VOPP1: variants seen among roughly 807,000 people sequenced by gnomAD.
VOPP1 encodes the protein WW domain binding protein VOPP1.
In VOPP1, 8 loss-of-function variants were observed where a neutral mutation model predicts 23.5. The ratio of observed to expected loss-of-function variants is 0.34; its 90% CI spans 0.20 to 0.61. The LOEUF (loss-of-function observed/expected upper bound fraction) is 0.61, where lower values mean the gene tolerates loss of function less well. Ranked by LOEUF, VOPP1 falls within the 20% of genes least tolerant of loss-of-function variation. The pLI, the probability that VOPP1 is intolerant of heterozygous loss-of-function variation, is 0.78. For missense variants in VOPP1, 174 were observed against 238.1 expected (o/e 0.73, Z 1.77); for synonymous variants, 83 against 97.3 (o/e 0.85, Z 0.86).
intron 4 of VOPP1, among the ~76,000 whole-genome samples, chr7:55,442,434 G>T (rs930139373): frequency 2.6e-5 from 4 of 152,156 alleles, no homozygotes; most frequent in Admixed American, 2.0e-4. Context: ...GCATTAAATT[G>T]TGTACACAAG....
At chr7:55,571,121 G>T (rs933299583) in intron 1 of VOPP1, among the ~76,000 whole-genome samples, 1 of 152,056 alleles carries the variant, frequency 6.6e-6, no homozygotes, top group African/African-American at 2.4e-5. Context: ...TGAATAAATG[G>T]AAAGAATGCA....
At position 55,501,462 on chromosome 7, in the gene VOPP1, G is replaced by A. The variant is rs80019698; in HGVS notation, c.114-3772C>T. 1.3e-3 allele frequency among the ~76,000 whole-genome samples: 198 copies of A among 152,310 alleles called. 4 individuals are homozygous for A. In the East Asian group the frequency reaches 0.032, roughly 25 times the overall value. ...TCCAGGACTGGCTCCATTCATCCTCGTGGAAGATTCTGGGTGGCCCTCAGG... is the reference window on the plus strand; with the variant it reads ...TCCAGGACTGGCTCCATTCATCCTCATGGAAGATTCTGGGTGGCCCTCAGG... On this transcript the variant is annotated intron_variant, in intron 2 of 4. Transcript: ENST00000285279.
intron 2 of VOPP1, among the ~76,000 whole-genome samples, chr7:55,507,824 G>A (rs1794830726): frequency 1.3e-5 from 2 of 152,094 alleles, no homozygotes; most frequent in African/African-American, 4.8e-5. Flanking sequence ...CTTTTATTTG[G>A]TCAACACATC....
rs575634550 is a variant in VOPP1, at chr7:55,515,746, C to T, written c.113+5326G>A. 5.9e-5 allele frequency among the ~76,000 whole-genome samples: 9 copies of T among 152,346 alleles called. No individual in the cohort carries two copies. In the South Asian group the frequency reaches 1.2e-3, roughly 21 times the overall value. ...TCTGTGACAGACAGGAGCTCCCTGT[C>T]ACCTGATGAGGAGGATTCAATGCTC... On this transcript the variant is annotated intron_variant, in intron 2 of 4. Coordinates refer to ENST00000285279, the MANE Select transcript of VOPP1 (RefSeq NM_030796.5).
At chr7:55,523,848 T>C (rs137963417) in intron 1 of VOPP1, among the ~76,000 whole-genome samples, 1,671 of 152,292 alleles carry the variant, frequency 0.011, 11 homozygotes, top group Middle Eastern at 0.02. Flanking sequence ...TGGGGTGAAG[T>C]GGAAAAGACA....
chr7:55,508,878 T>TA (rs1194792629), intron 2 of VOPP1, among the ~76,000 whole-genome samples: 2 of 152,044 alleles, frequency 1.3e-5, no homozygotes, highest in Non-Finnish European at 2.9e-5. Flanking sequence ...CCTGTCTCTA[T>TA]AAAAAAATCT....
intron 1 of VOPP1, chr7:55,538,777 G>T: frequency 1.4e-6 from 1 of 729,262 alleles, no homozygotes. Flanking sequence ...CTGTGGGTTT[G>T]AGCTGCTGAT....
intron 1 of VOPP1, among the ~76,000 whole-genome samples, chr7:55,551,351 C>G (rs1314299612): frequency 6.6e-6 from 1 of 152,198 alleles, no homozygotes; most frequent in African/African-American, 2.4e-5. Context: ...CAGAACCCCA[C>G]GTGCACACCG....
chr7:55,569,241 G>A (rs562369230), intron 1 of VOPP1, among the ~76,000 whole-genome samples: 2 of 152,338 alleles, frequency 1.3e-5, no homozygotes, highest in East Asian at 1.9e-4. Context: ...CTGGGCTTCA[G>A]GAGGGGAACA....
chr7:55,550,032 A>T (rs1247448981), intron 1 of VOPP1, among the ~76,000 whole-genome samples: 1 of 152,168 alleles, frequency 6.6e-6, no homozygotes, highest in Non-Finnish European at 1.5e-5. Context: ...CCTGAGTGCC[A>T]CCACAGGCCG....
At chr7:55,534,131 C>CTTTTTT (rs10669665) in intron 1 of VOPP1, among the ~76,000 whole-genome samples, 1 of 140,158 alleles carries the variant, frequency 7.1e-6, no homozygotes, top group Non-Finnish European at 1.5e-5. Context: ...TTTCATGTAG[C>CTTTTTT]TTTTTTTTTT....
At chr7:55,523,446 G>A (rs1319385824) in intron 1 of VOPP1, among the ~76,000 whole-genome samples, 1 of 151,972 alleles carries the variant, frequency 6.6e-6, no homozygotes, top group East Asian at 1.9e-4. Context: ...TAAGAACTGG[G>A]TCATTCTTGT....
chr7:55,455,133 C>CA (rs1337478117), intron 4 of VOPP1, among the ~76,000 whole-genome samples: 1 of 152,144 alleles, frequency 6.6e-6, no homozygotes, highest in African/African-American at 2.4e-5. Context: ...AATCAACACG[C>CA]AAAAATCACA....
In VOPP1 at chr7:55,516,968, C is replaced by T. The variant is rs138337942; in HGVS notation, c.113+4104G>A. The stretch of plus-strand genomic sequence containing the variant: ...TTTTTTTTTTTTTTTTTTTTTGAGA[C>T]GGAGTCTCACTGTGTAGCCCAAGCT... On this transcript the variant is annotated intron_variant, in intron 2 of 4. Transcript: ENST00000285279. 0.012 allele frequency among the ~76,000 whole-genome samples: 1,014 copies of T among 83,360 alleles called. 75 individuals carry two copies. The East Asian group carries it at 0.24, about 20-fold the overall frequency. 54.7% of individuals were successfully genotyped at this position (83,360 alleles called of 152,430 possible). A position where few individuals can be genotyped will look rare whatever the true frequency, so the allele number is the denominator to read the frequency against.
chr7:55,478,931 A>C (rs1388542486), intron 4 of VOPP1, among the ~76,000 whole-genome samples: 1 of 152,154 alleles, frequency 6.6e-6, no homozygotes, highest in African/African-American at 2.4e-5. Flanking sequence ...TCAGCCAGGA[A>C]GGAGAGTTGG....
At chr7:55,473,909 G>A (rs1047807047) in intron 4 of VOPP1, among the ~76,000 whole-genome samples, 2 of 151,936 alleles carry the variant, frequency 1.3e-5, no homozygotes, top group African/African-American at 2.4e-5. Flanking sequence ...ATTGTGTAGG[G>A]TTTTTTTTCT....
chr7:55,545,267 C>A (rs148207023), intron 1 of VOPP1, among the ~76,000 whole-genome samples: 2,244 of 152,304 alleles, frequency 0.015, 65 homozygotes, highest in African/African-American at 0.051. Context: ...ATCACTATTT[C>A]TTTAAAGGGG....
chr7:55,548,890 C>A (rs568695435), intron 1 of VOPP1, among the ~76,000 whole-genome samples: 11 of 152,326 alleles, frequency 7.2e-5, no homozygotes, highest in African/African-American at 2.6e-4. Flanking sequence ...CCCAGCATTT[C>A]CCAAACCCAA....
At chr7:55,551,692 C>G (rs1160176196) in intron 1 of VOPP1, among the ~76,000 whole-genome samples, 1 of 152,052 alleles carries the variant, frequency 6.6e-6, no homozygotes, top group Non-Finnish European at 1.5e-5. Context: ...TCATCTTACA[C>G]GCAGTGGGAG....
Sources: gnomAD v4.1 joint callset for allele counts (sites outside exome capture counted in the v4.1 genomes callset) on GRCh38, gnomAD v4.1.1 for gene constraint, MANE v1.5 for transcripts, NCBI Gene and HGNC (gene_info 2026-07-23, HGNC 2026-07-21) for gene names.